RTKN2: variants seen among roughly 807,000 people sequenced by gnomAD.
RTKN2 encodes the protein rhotekin-2.
In RTKN2, 69 loss-of-function variants were observed where a neutral mutation model predicts 71.5. The ratio of observed to expected loss-of-function variants is 0.96; its 90% CI spans 0.79 to 1.18. The LOEUF (loss-of-function observed/expected upper bound fraction) is 1.18, where lower values mean the gene tolerates loss of function less well. RTKN2 is among the 50% of genes most tolerant of loss of function. The pLI, the probability that RTKN2 is intolerant of heterozygous loss-of-function variation, is 0.00. For synonymous variants in RTKN2, 236 were observed against 236.5 expected, an observed-to-expected ratio of 1.00 and a Z score of 0.02; for missense variants, 724 against 719.7, an observed-to-expected ratio of 1.01 and a Z score of -0.07.
chr10:62,245,441 G>GA (rs1842460419), intron 3 of RTKN2, among the ~76,000 whole-genome samples: 1 of 151,790 alleles, frequency 6.6e-6, no homozygotes. Context: ...GATATGACTA[G>GA]AAAAAAAATT....
rs1267911985 is a variant in RTKN2 at position 62,254,039 on chromosome 10, ACTAT to A, written c.258-7986_258-7983del. Reference sequence around the variant, plus strand: ...AAACTGGGAAGGAGGACACAGAAACACTATCTATCCAAAAAAGTAATTAATTCAA... The same window carrying A: ...AAACTGGGAAGGAGGACACAGAAACACTATCCAAAAAAGTAATTAATTCAA... On this transcript the variant is annotated intron_variant, in intron 2 of 11. Transcript: ENST00000373789. Among the ~76,000 whole-genome samples the A allele has an allele frequency of 9.8e-5, 15 of 152,298 alleles. No homozygotes were observed. The South Asian group carries it at 1.0e-3, about 11-fold the overall frequency.
chr10:62,245,418 A>C (rs958636103), intron 3 of RTKN2, among the ~76,000 whole-genome samples: 4 of 152,176 alleles, frequency 2.6e-5, no homozygotes, highest in Non-Finnish European at 5.9e-5. Context: ...GCTTATGTTT[A>C]GGAGTAATAG....
chr10:62,200,569 TAAAC>T (rs1841422313), intron 10 of RTKN2, among the ~76,000 whole-genome samples: 1 of 151,852 alleles, frequency 6.6e-6, no homozygotes, highest in Non-Finnish European at 1.5e-5. Context: ...GTTGAAAGGT[TAAAC>T]AATCAACTGA....
At chr10:62,245,762 A>G (rs574544527) in intron 3 of RTKN2, among the ~76,000 whole-genome samples, 1 of 152,302 alleles carries the variant, frequency 6.6e-6, no homozygotes, top group South Asian at 2.1e-4. Context: ...CCTATTTTAC[A>G]AGACTGCACT....
intron 9 of RTKN2, among the ~76,000 whole-genome samples, chr10:62,207,975 T>C (rs1841581403): frequency 6.6e-6 from 1 of 152,122 alleles, no homozygotes; most frequent in South Asian, 2.1e-4. Flanking sequence ...GTAAATAGAT[T>C]TGAGATTATT....
exon 9 of RTKN2, chr10:62,184,048 C>A (rs1047499136): frequency 3.0e-6 from 1 of 333,700 alleles, no homozygotes; most frequent in Non-Finnish European, 5.4e-6. Flanking sequence ...TTACCAAAGT[C>A]ATGTACTAAT....
Position 62,195,622 on chromosome 10 carries a change from GGAAGGAAGGAA to G in RTKN2, c.*2275_*2285del, listed in dbSNP as rs1564496210. The stretch of plus-strand genomic sequence containing the variant: ...CAGAGGGAATGAAGGAAGGAAGGAA[GGAAGGAAGGAA>G]GGAAGGAAGGAAGGAAGGAAGGAAG... On this transcript the variant is annotated 3_prime_UTR_variant, in exon 12 of 12. Coordinates refer to ENST00000373789, the MANE Select transcript of RTKN2 (RefSeq NM_145307.4). 2 of 133,350 alleles carry G rather than the reference GGAAGGAAGGAA, an allele frequency of 1.5e-5. No individual in the cohort carries two copies. The highest frequency in any genetic ancestry group is 2.3e-5 in the Non-Finnish European group (2 of 85,700). 8.3% of individuals were successfully genotyped at this position (133,350 alleles called of 1,614,324 possible). A position where few individuals can be genotyped will look rare whatever the true frequency, so the allele number is the denominator to read the frequency against.
At chr10:62,222,346 A>G (rs544238345) in intron 7 of RTKN2, among the ~76,000 whole-genome samples, 4 of 152,088 alleles carry the variant, frequency 2.6e-5, no homozygotes, top group African/African-American at 7.2e-5. Context: ...TCCTGGGCTC[A>G]TGTGATCCTC....
intron 3 of RTKN2, among the ~76,000 whole-genome samples, chr10:62,241,814 T>C (rs1842381437): frequency 6.6e-6 from 1 of 152,168 alleles, no homozygotes; most frequent in Non-Finnish European, 1.5e-5. Context: ...TTCTCCAGCC[T>C]CAGCCTCCCG....
downstream of RTKN2, among the ~76,000 whole-genome samples, chr10:62,190,379 T>C (rs1005608572): frequency 6.6e-6 from 1 of 152,156 alleles, no homozygotes; most frequent in Non-Finnish European, 1.5e-5. Context: ...TACTTAATTG[T>C]TTTGTGCCTC....
At chr10:62,186,262 TA>T (rs1841135258) in intron 8 of RTKN2, among the ~76,000 whole-genome samples, 1 of 152,234 alleles carries the variant, frequency 6.6e-6, no homozygotes, top group African/African-American at 2.4e-5. Context: ...ACAATTCAGC[TA>T]ATGTTTCTAC....
chr10:62,266,881 C>A (rs1276564198), intron 1 of RTKN2, among the ~76,000 whole-genome samples: 3 of 152,182 alleles, frequency 2.0e-5, no homozygotes, highest in Non-Finnish European at 4.4e-5. Context: ...GGTTGCACAA[C>A]AAGAAGAGTT....
At chr10:62,192,319 A>G (rs1443591748), downstream of RTKN2, among the ~76,000 whole-genome samples, 1 of 152,202 alleles carries the variant, frequency 6.6e-6, no homozygotes, top group Non-Finnish European at 1.5e-5. Context: ...AATAAGCTGT[A>G]CTCACTCTCA....
intron 1 of RTKN2, among the ~76,000 whole-genome samples, chr10:62,267,295 T>G (rs1480200246): frequency 1.3e-5 from 2 of 152,224 alleles, no homozygotes; most frequent in South Asian, 2.1e-4. Context: ...CAACTAAACT[T>G]CATGATTTTA....
chr10:62,185,509 A>C (rs1346882571), intron 8 of RTKN2, among the ~76,000 whole-genome samples: 1 of 152,062 alleles, frequency 6.6e-6, no homozygotes, highest in Non-Finnish European at 1.5e-5. Flanking sequence ...CCAGCTACTC[A>C]GGAGGCTGAG....
At chr10:62,253,764 G>A (rs140848087) in intron 2 of RTKN2, among the ~76,000 whole-genome samples, 1 of 152,152 alleles carries the variant, frequency 6.6e-6, no homozygotes, top group African/African-American at 2.4e-5. Context: ...TCTACCTGAA[G>A]TGACTGGCAT....
At chr10:62,219,786 TA>T (rs914752604) in intron 7 of RTKN2, among the ~76,000 whole-genome samples, 78 of 145,910 alleles carry the variant, frequency 5.3e-4, no homozygotes, top group African/African-American at 5.0e-4. Context: ...CATCTCTAAT[TA>T]AAAAAAAAAA....
At chr10:62,203,047 C>A (rs1018546186) in intron 10 of RTKN2, among the ~76,000 whole-genome samples, 4 of 152,208 alleles carry the variant, frequency 2.6e-5, no homozygotes, top group Middle Eastern at 3.4e-3. Flanking sequence ...GTAATCCCAG[C>A]TACTAGGGAG....
chr10:62,216,944 T>C (rs988227598), intron 9 of RTKN2, among the ~76,000 whole-genome samples, 174 bp downstream of exon 9: 3 of 152,158 alleles, frequency 2.0e-5, no homozygotes, highest in African/African-American at 7.2e-5. Context: ...TACATTTTCT[T>C]ATAACAGATA....
Sources: allele counts gnomAD v4.1 joint callset (sites outside exome capture counted in the v4.1 genomes callset), GRCh38; gene constraint gnomAD v4.1.1; transcripts MANE v1.5; gene names NCBI Gene and HGNC (gene_info 2026-07-23, HGNC 2026-07-21).